The following RAPGEF2 variants were observed in gnomAD, a reference collection of about 807,000 sequenced individuals.
The protein encoded by RAPGEF2 is Rap guanine nucleotide exchange factor 2, also known as PDZ domain containing guanine nucleotide exchange factor (GEF) 1.
In RAPGEF2, 54 loss-of-function variants were observed where a neutral mutation model predicts 186.7. The observed-to-expected ratio is 0.29, with a 90% confidence interval of 0.23 to 0.36. RAPGEF2 has a LOEUF of 0.36. Among genes scored for constraint, RAPGEF2 ranks in the 10% least tolerant of loss-of-function variants. The pLI is 1.00. For missense variants in RAPGEF2, 1,532 were observed against 2,045.0 expected (o/e 0.75, Z 4.84); for synonymous variants, 712 against 705.9 (o/e 1.01, Z -0.14).
At chr4:159,212,986 A>G (rs1750670906) in intron 4 of RAPGEF2, among the ~76,000 whole-genome samples, 2 of 152,240 alleles carry the variant, frequency 1.3e-5, no homozygotes, top group Admixed American at 1.3e-4. Context: ...ATTGGACTCT[A>G]CGTCTAATTA....
intron 1 of RAPGEF2, among the ~76,000 whole-genome samples, chr4:159,162,221 C>CAAAAAA (rs35274144): frequency 2.0e-5 from 2 of 98,224 alleles, no homozygotes; most frequent in African/African-American, 3.7e-5. Flanking sequence ...TGTGTTTCTT[C>CAAAAAA]AAAAAAAAAA....
intron 1 of RAPGEF2, among the ~76,000 whole-genome samples, chr4:159,155,723 C>G (rs769193705): frequency 5.3e-5 from 8 of 151,652 alleles, no homozygotes; most frequent in Non-Finnish European, 1.0e-4. Context: ...TGGCAGACCT[C>G]TGCCATTTAA....
intron 1 of RAPGEF2, among the ~76,000 whole-genome samples, chr4:159,127,224 A>G (rs1740427938): frequency 6.6e-6 from 1 of 152,122 alleles, no homozygotes; most frequent in Admixed American, 6.5e-5. Context: ...ATGGAGTTTC[A>G]CCACATTGGC....
At chr4:159,215,791 T>A (rs1750942051) in intron 4 of RAPGEF2, among the ~76,000 whole-genome samples, 6 of 152,148 alleles carry the variant, frequency 3.9e-5, no homozygotes, top group Admixed American at 3.9e-4. Context: ...TGAAGGGAAA[T>A]TAATCCCAGG....
chr4:159,314,845 C>A, intron 9 of RAPGEF2, 77 bp downstream of exon 9: 1 of 1,305,926 alleles, frequency 7.7e-7, no homozygotes. Context: ...AAATAGAGCC[C>A]AAGACTAGTA....
chr4:159,320,975 T>C (rs993696160), intron 9 of RAPGEF2, among the ~76,000 whole-genome samples: 6 of 152,182 alleles, frequency 3.9e-5, no homozygotes, highest in African/African-American at 1.2e-4. Context: ...CACGGACTTT[T>C]ATCATCTTTA....
At chr4:159,223,972 C>T (rs774793009) in intron 4 of RAPGEF2, among the ~76,000 whole-genome samples, 4 of 151,756 alleles carry the variant, frequency 2.6e-5, no homozygotes, top group African/African-American at 4.8e-5. Context: ...GATCTTGTCT[C>T]ACTGCAACCT....
chr4:159,170,454 A>G (rs919306280), intron 1 of RAPGEF2, among the ~76,000 whole-genome samples: 5 of 152,236 alleles, frequency 3.3e-5, no homozygotes, highest in Non-Finnish European at 7.3e-5. Context: ...AAAAAAGACA[A>G]TACAGTATAA....
chr4:159,294,404 C>T (rs1047341764), intron 7 of RAPGEF2, among the ~76,000 whole-genome samples: 2 of 152,300 alleles, frequency 1.3e-5, no homozygotes, highest in South Asian at 4.1e-4. Flanking sequence ...AGCTGCCTCC[C>T]TCTCCAGGGA....
chr4:159,172,398 C>A lies in RAPGEF2; in HGVS notation c.70-14244C>A, dbSNP rs146376387. 1.9e-3 allele frequency among the ~76,000 whole-genome samples: 288 copies of A among 152,162 alleles called. 1 individual carries two copies. Among genetic ancestry groups the A allele is most frequent in the Non-Finnish European group, 2.7e-3 (181 of 68,006 alleles). On this transcript the variant is annotated intron_variant, in intron 1 of 29. Coordinates refer to ENST00000691494, the MANE Select transcript of RAPGEF2 (RefSeq NM_001394067.2). ...TCTCCTACCTTCCCTATTCATGTTCCTTTCTGATTGTGATGGCTGCTCTGC... is the reference window on the plus strand; with the variant it reads ...TCTCCTACCTTCCCTATTCATGTTCATTTCTGATTGTGATGGCTGCTCTGC...
At chr4:159,237,516 C>T (rs1430489197) in intron 4 of RAPGEF2, among the ~76,000 whole-genome samples, 1 of 152,012 alleles carries the variant, frequency 6.6e-6, no homozygotes, top group Non-Finnish European at 1.5e-5. Flanking sequence ...TTTTCTTCCT[C>T]TTACGTGACT....
At chr4:159,227,827 AT>A (rs1359026683) in intron 4 of RAPGEF2, among the ~76,000 whole-genome samples, 4 of 152,002 alleles carry the variant, frequency 2.6e-5, no homozygotes, top group Non-Finnish European at 5.9e-5. Flanking sequence ...TGCTGTTTTG[AT>A]TTAAATTTAT....
chr4:159,136,785 A>G (rs1051527185), intron 1 of RAPGEF2, among the ~76,000 whole-genome samples: 3 of 152,182 alleles, frequency 2.0e-5, no homozygotes, highest in African/African-American at 4.8e-5. Flanking sequence ...GAACTTGAAT[A>G]TAATATAATT....
intron 7 of RAPGEF2, chr4:159,267,266 T>C: frequency 7.8e-7 from 1 of 1,289,392 alleles, no homozygotes; most frequent in Non-Finnish European, 1.0e-6. Flanking sequence ...ATGGCTTTCC[T>C]TGTGCGTTGC....
intron 3 of RAPGEF2, among the ~76,000 whole-genome samples, chr4:159,194,727 T>G (rs1374628617): frequency 1.3e-5 from 2 of 152,212 alleles, no homozygotes; most frequent in African/African-American, 4.8e-5. Context: ...ATCTAAAGTT[T>G]ATTCATTGTG....
At chr4:159,217,863 A>G (rs1408764846) in intron 4 of RAPGEF2, among the ~76,000 whole-genome samples, 2 of 152,146 alleles carry the variant, frequency 1.3e-5, no homozygotes, top group Non-Finnish European at 2.9e-5. Context: ...CTGGTGTGAG[A>G]TGGTATCTCA....
intron 1 of RAPGEF2, among the ~76,000 whole-genome samples, chr4:159,149,199 C>G (rs1743265578): frequency 6.6e-6 from 1 of 152,142 alleles, no homozygotes; most frequent in African/African-American, 2.4e-5. Flanking sequence ...AACAATAAAA[C>G]TGGCACTTAA....
chr4:159,300,812 T>C (rs1133055), intron 7 of RAPGEF2, among the ~76,000 whole-genome samples: 14,057 of 152,150 alleles, frequency 0.092, 2,158 homozygotes, highest in African/African-American at 0.32. Flanking sequence ...CGTTGTGCCT[T>C]GTATATATTT....
At chr4:159,345,054 T>TA in intron 23 of RAPGEF2, 52 bp from the exon 24 acceptor site, 1 of 1,459,220 alleles carries the variant, frequency 6.9e-7, no homozygotes, top group Non-Finnish European at 9.6e-7. Context: ...TTTAAATAGA[T>TA]AAAGTACTCC....
Sources: allele counts gnomAD v4.1 joint callset (sites outside exome capture counted in the v4.1 genomes callset), GRCh38; gene constraint gnomAD v4.1.1; transcripts MANE v1.5; gene names NCBI Gene and HGNC (gene_info 2026-07-23, HGNC 2026-07-21).